The following CACNB3 variants were observed in gnomAD, a reference collection of about 807,000 sequenced individuals.
CACNB3 encodes calcium voltage-gated channel auxiliary subunit beta 3.
In CACNB3, 36 loss-of-function variants were observed where a neutral mutation model predicts 63.7. The ratio of observed to expected loss-of-function variants is 0.57; its 90% CI spans 0.43 to 0.75. The LOEUF is 0.75. CACNB3 is among the 30% of genes least tolerant of loss of function. The probability of loss-of-function intolerance (pLI) is 0.00; values close to 1 mark genes in which losing one functional copy is unlikely to be tolerated. For missense variants in CACNB3, 493 were observed against 648.6 expected (o/e 0.76, Z 2.61); for synonymous variants, 241 against 250.6 (o/e 0.96, Z 0.36).
rs1179222741 is a variant in CACNB3, at chr12:48,818,710, G to T, written c.-220G>T. 1.3e-5 allele frequency: 17 copies of T among 1,270,776 alleles called. No homozygotes were observed. The highest frequency in any genetic ancestry group is 6.3e-5 in the African/African-American group (4 of 63,096). The allele number at this position is 1,270,776 out of a possible 1,614,324, so 78.7% of individuals were successfully genotyped here. ...CCTCAGCCGCGCTCGGGGTGGGACC[G>T]GCTGGGTTTGGGGGGGTGGGGTGGG... On this transcript the variant is annotated 5_prime_UTR_variant, in exon 1 of 13. Transcript: ENST00000301050. This position sits in a 1 kb window ranked among gnomAD's most constrained non-coding sequence, Gnocchi z 4.3.
chr12:48,826,323 T>A lies in CACNB3; in HGVS notation c.743-44T>A, dbSNP rs756553313. 44 of 1,607,460 alleles carry A rather than the reference T, an allele frequency of 2.7e-5. No individual in the cohort carries two copies. The highest frequency in any genetic ancestry group is 3.7e-5 in the Non-Finnish European group (43 of 1,174,498). On this transcript the variant is annotated intron_variant, in intron 9 of 12. Transcript: ENST00000301050. The surrounding 1 kb of genome is among the most constrained non-coding windows in gnomAD (Gnocchi z 4.8). ...CCTCAAAGCCTGCTGGAGTGAGCAG[T>A]GGGCAGAGCTCCTGGTGAGCACTGC... is the stretch of plus-strand genomic sequence containing the variant.
In CACNB3 at chr12:48,818,752, G is replaced by A; in HGVS notation, c.-178G>A. 7.5e-7 allele frequency: 1 copy of A among 1,332,884 alleles called. No homozygotes were observed. Among genetic ancestry groups the A allele is most frequent in the South Asian group, 1.9e-5 (1 of 51,696 alleles). The allele number at this position is 1,332,884 out of a possible 1,614,324, so 82.6% of individuals were successfully genotyped here. A position where few individuals can be genotyped will look rare whatever the true frequency, so the allele number is the denominator to read the frequency against. ...TGGGGTGGGGGGAGCGGTGATCTGA[G>A]CTCCGAGCAGCTGGTCTTCGCGGCT... On this transcript the variant is annotated 5_prime_UTR_variant, in exon 1 of 13. Coordinates refer to ENST00000301050, the MANE Select transcript of CACNB3 (RefSeq NM_000725.4). The surrounding 1 kb of genome is among the most constrained non-coding windows in gnomAD (Gnocchi z 4.3).
chr12:48,825,552 A>C lies in CACNB3; in HGVS notation c.632+60A>C. 2 of 1,594,476 alleles carry C rather than the reference A, an allele frequency of 1.3e-6. No homozygotes were observed. The highest frequency in any genetic ancestry group is 3.3e-5 in the Admixed American group (2 of 60,004). ...AAGGAGAAGCTCATGGCCTACTTCC[A>C]GATGCCTGTAGCTAGTCTTCTCTAA... On this transcript the variant is annotated intron_variant, in intron 8 of 12. Transcript: ENST00000301050. This position sits in a 1 kb window ranked among gnomAD's most constrained non-coding sequence, Gnocchi z 4.5.
At position 48,823,444 on chromosome 12, in the gene CACNB3, A is replaced by G. The variant is rs759150930; in HGVS notation, c.146A>G (p.Gln49Arg). 2 of 1,614,024 alleles carry G rather than the reference A, an allele frequency of 1.2e-6. No individual in the cohort carries two copies. Among genetic ancestry groups the G allele is most frequent in the South Asian group, 1.1e-5 (1 of 91,084 alleles). ...SARREVESQA[Q>R]QQLERAKHKP... is the part of the protein sequence containing the mutation. ...CGGCGTGAAGTAGAGAGCCAGGCTCAGCAGCAGCTCGAAAGGGCCAAGGTA... is the reference window on the plus strand; with the variant it reads ...CGGCGTGAAGTAGAGAGCCAGGCTCGGCAGCAGCTCGAAAGGGCCAAGGTA... Residue 49 changes from glutamine to arginine, a missense_variant, in exon 2 of 13, where the codon CAG (glutamine) becomes CGG (arginine). By Grantham distance (43) the Gln-to-Arg change is conservative. Coordinates refer to ENST00000301050, the MANE Select transcript of CACNB3 (RefSeq NM_000725.4). The surrounding 1 kb of genome is among the most constrained non-coding windows in gnomAD (Gnocchi z 4.2).
chr12:48,822,677 A>G (rs1937914507), intron 1 of CACNB3, among the ~76,000 whole-genome samples: 1 of 152,186 alleles, frequency 6.6e-6, no homozygotes, highest in Non-Finnish European at 1.5e-5. Flanking sequence ...CAGGTGTGGA[A>G]GGAAGAAAAG....
At position 48,825,435 on chromosome 12, in the gene CACNB3, T is replaced by A. The variant is rs768897301; in HGVS notation, c.575T>A (p.Val192Asp). The A allele has an allele frequency of 1.2e-6, 2 of 1,614,142 alleles. No homozygotes were observed. Among genetic ancestry groups the A allele is most frequent in the Non-Finnish European group, 1.7e-6 (2 of 1,180,020 alleles). ...LVGPSLKGYE[V>D]TDMMQKALFD... ...CATCAGTGCCATGCCTTCCCCCAGG[T>A]CACAGACATGATGCAGAAGGCTCTC... The change falls in exon 8 of 13, where the codon GTC becomes GAC. Residue 192 changes from valine to aspartate, a missense_variant and splice_region_variant. Val to Asp is a radical substitution (Grantham distance 152). Transcript: ENST00000301050. The surrounding 1 kb of genome is among the most constrained non-coding windows in gnomAD (Gnocchi z 4.5).
Position 48,828,923 on chromosome 12 carries a change from A to ATT in CACNB3, c.*1025_*1026insTT. ...CTGCCTCACCTCACTGTCATCACTA[A>ATT]TAAACATCATGCACAGTCCCTCCGG... On this transcript the variant is annotated 3_prime_UTR_variant, in exon 13 of 13. Coordinates refer to ENST00000301050, the MANE Select transcript of CACNB3 (RefSeq NM_000725.4). 2.7e-6 allele frequency: 1 copy of ATT among 367,418 alleles called. No homozygotes were observed. Among genetic ancestry groups the ATT allele is most frequent in the East Asian group, 7.3e-5 (1 of 13,674 alleles). The allele number at this position is 367,418 out of a possible 1,614,324, so 22.8% of individuals were successfully genotyped here. A position where few individuals can be genotyped will look rare whatever the true frequency, so the allele number is the denominator to read the frequency against.
chr12:48,827,643 T>C lies in CACNB3; in HGVS notation c.1199T>C (p.Leu400Ser), dbSNP rs1938221834. ...EEHSPLERDSLMPSDEASESS... is the reference protein window; with the variant it reads ...EEHSPLERDSSMPSDEASESS... ...CACTCCCCCCTTGAGCGGGACAGCT[T>C]GATGCCCTCTGATGAGGCCAGCGAG... Residue 400 changes from leucine (L) to serine (S), a missense_variant, in exon 13 of 13, where the codon TTG (leucine) becomes TCG (serine). By Grantham distance (145) the Leu-to-Ser change is moderately radical. Coordinates refer to ENST00000301050, the MANE Select transcript of CACNB3 (RefSeq NM_000725.4). 2 of 1,613,686 alleles carry C rather than the reference T, an allele frequency of 1.2e-6. No individual in the cohort carries two copies. Among genetic ancestry groups the C allele is most frequent in the Non-Finnish European group, 1.7e-6 (2 of 1,179,992 alleles).
chr12:48,820,054 C>T (rs1937774197), intron 1 of CACNB3: 1 of 184,908 alleles, frequency 5.4e-6, no homozygotes, highest in Non-Finnish European at 1.2e-5. Flanking sequence ...TCTCCCATCA[C>T]TTACTGCCAG....
At position 48,827,611 on chromosome 12, in the gene CACNB3, C is replaced by T. The variant is rs746027762; in HGVS notation, c.1167C>T (p.Gly389=). Residue 389 remains glycine (G), a synonymous_variant, in exon 13 of 13, where the codon GGC becomes GGT. Transcript: ENST00000301050. ...ACCAGCAGCTGCTGGGGGAGCGTGG[C>T]GAGGAGCACTCCCCCCTTGAGCGGG... ...LQNQQLLGER[G]EEHSPLERDS... 1.9e-5 allele frequency: 31 copies of T among 1,612,940 alleles called. No individual in the cohort carries two copies. The highest frequency in any genetic ancestry group is 2.4e-5 in the Non-Finnish European group (28 of 1,179,644).
chr12:48,827,260 T>A, intron 12 of CACNB3, 137 bp downstream of exon 12: 1 of 1,115,998 alleles, frequency 9.0e-7, no homozygotes, highest in Non-Finnish European at 1.3e-6. Flanking sequence ...TGTACAGAGC[T>A]AGCACAGACG....
At position 48,828,344 on chromosome 12, in the gene CACNB3, G is replaced by C. The variant is rs139110193; in HGVS notation, c.*445G>C. Reference sequence around the variant, plus strand: ...CAGGCACAAGTCCTGACAGTCAAGGGACTGCTTTGGCATCCAGGGCCTCCA... The same window carrying C: ...CAGGCACAAGTCCTGACAGTCAAGGCACTGCTTTGGCATCCAGGGCCTCCA... On this transcript the variant is annotated 3_prime_UTR_variant, in exon 13 of 13. Coordinates refer to ENST00000301050, the MANE Select transcript of CACNB3 (RefSeq NM_000725.4). 3.2e-6 allele frequency: 1 copy of C among 309,688 alleles called. No homozygotes were observed. The highest frequency in any genetic ancestry group is 6.4e-6 in the Non-Finnish European group (1 of 157,180). The allele number at this position is 309,688 out of a possible 1,614,324, so 19.2% of individuals were successfully genotyped here.
rs557814674 is a variant in CACNB3, at chr12:48,818,946, A to G, written c.17A>G (p.Tyr6Cys). The G allele has an allele frequency of 6.2e-6, 10 of 1,600,692 alleles. No individual in the cohort carries two copies. In the East Asian group the frequency reaches 2.3e-4, roughly 36 times the overall value. MYDDS[Y>C]VPGFEDSEAG... is the part of the protein sequence containing the mutation. ...GACTCCCCCATGTATGACGACTCCT[A>G]CGTGCCCGGGTTTGAGGACTCGGAG... Residue 6 changes from tyrosine to cysteine, a missense_variant, in exon 1 of 13, where the codon TAC (tyrosine) becomes TGC (cysteine). Transcript: ENST00000301050. The surrounding 1 kb of genome is among the most constrained non-coding windows in gnomAD (Gnocchi z 4.3).
At position 48,826,353 on chromosome 12, in the gene CACNB3, G is replaced by A. The variant is rs1938137619; in HGVS notation, c.743-14G>A. Reference sequence around the variant, plus strand: ...AGAGCTCCTGGTGAGCACTGCTGCTGCCTCCCTCCATAGCGGAAGTGCAGA... The same window carrying A: ...AGAGCTCCTGGTGAGCACTGCTGCTACCTCCCTCCATAGCGGAAGTGCAGA... On this transcript the variant is annotated splice_polypyrimidine_tract_variant and intron_variant, in intron 9 of 12. Transcript: ENST00000301050. The surrounding 1 kb of genome is among the most constrained non-coding windows in gnomAD (Gnocchi z 4.8). 4 of 1,613,812 alleles carry A rather than the reference G, an allele frequency of 2.5e-6. No homozygotes were observed. The African/African-American group carries it at 4.0e-5, about 16-fold the overall frequency.
At chr12:48,822,291 A>G (rs1937890588) in intron 1 of CACNB3, among the ~76,000 whole-genome samples, 1 of 152,090 alleles carries the variant, frequency 6.6e-6, no homozygotes, top group Non-Finnish European at 1.5e-5. Context: ...AAACCCAGAC[A>G]TTGTAACCTC....
chr12:48,815,472 A>T, upstream of CACNB3: 1 of 1,155,840 alleles, frequency 8.7e-7, no homozygotes, highest in South Asian at 1.6e-5. Context: ...AGACTGACAG[A>T]GGCGGCGAGA....
intron 1 of CACNB3, chr12:48,819,650 T>G: frequency 2.2e-6 from 1 of 455,106 alleles, no homozygotes; most frequent in Non-Finnish European, 4.4e-6. Context: ...CTGCTGAGGC[T>G]TCCTCTGCAG....
intron 1 of CACNB3, among the ~76,000 whole-genome samples, chr12:48,822,257 ACTCCCTTTCC>A (rs1463064808): frequency 1.2e-4 from 18 of 151,502 alleles, no homozygotes; most frequent in African/African-American, 4.1e-4. Flanking sequence ...GAAACGAAAG[ACTCCCTTTCC>A]CTGACAGAGG....
Position 48,825,726 on chromosome 12 carries a change from C to G in CACNB3, c.699C>G (p.Gly233=), listed in dbSNP as rs1938100857. The G allele has an allele frequency of 5.0e-6, 8 of 1,614,202 alleles. No individual in the cohort carries two copies. The highest frequency in any genetic ancestry group is 5.9e-6 in the Non-Finnish European group (7 of 1,180,030). The change falls in exon 9 of 13, where the codon GGC becomes GGG. Residue 233 remains glycine, a synonymous_variant. Coordinates refer to ENST00000301050, the MANE Select transcript of CACNB3 (RefSeq NM_000725.4). This position sits in a 1 kb window ranked among gnomAD's most constrained non-coding sequence, Gnocchi z 4.5. ...AGCGATCTGTGCTCAACAATCCGGGCAAGAGGACCATCATTGAGCGCTCCT... is the reference window on the plus strand; with the variant it reads ...AGCGATCTGTGCTCAACAATCCGGGGAAGAGGACCATCATTGAGCGCTCCT... ...LAKRSVLNNP[G]KRTIIERSSA... is the part of the protein sequence containing the mutation.
Sources: allele counts gnomAD v4.1 joint callset (sites outside exome capture counted in the v4.1 genomes callset), GRCh38; gene constraint gnomAD v4.1.1; non-coding constraint Gnocchi (gnomAD v3.1); transcripts MANE v1.5; gene names NCBI Gene and HGNC (gene_info 2026-07-23, HGNC 2026-07-21).